The following PSRC1 variants were observed in gnomAD, a reference collection of about 807,000 sequenced individuals.
The protein encoded by PSRC1 is proline and serine rich coiled-coil 1, also known as proline/serine-rich coiled-coil protein 1.
PSRC1 carries 30 observed loss-of-function variants against 31.9 expected under a neutral mutation model. The observed-to-expected ratio is 0.94, with a 90% CI of 0.70 to 1.28. The LOEUF is 1.28. Among genes scored for constraint, PSRC1 ranks in the 50% most tolerant of loss-of-function variants. The probability of loss-of-function intolerance (pLI) is 0.00; values close to 1 mark genes in which losing one functional copy is unlikely to be tolerated. For missense variants in PSRC1, 481 were observed against 472.8 expected (o/e 1.02, Z -0.16); for synonymous variants, 191 against 192.1 (o/e 0.99, Z 0.05).
exon 7 of PSRC1, chr1:109,279,887 T>C (rs14000): frequency 0.1 from 54,071 of 541,084 alleles, 3,294 homozygotes; most frequent in African/African-American, 0.17. Context: ...GTACTTCTCA[T>C]CTTCTATTTG....
rs1200206192 is a variant in PSRC1, at chr1:109,281,387, C to A, written c.520-136G>T. The A allele has an allele frequency of 7.6e-6, 6 of 789,710 alleles. No individual in the cohort carries two copies. The East Asian group carries it at 1.6e-4, about 21-fold the overall frequency. The allele number at this position is 789,710 out of a possible 1,614,324, so 48.9% of individuals were successfully genotyped here. ...GGGTAGAAGTTAGCTGCTAACATCA[C>A]CACATCACCATCACCATCACTATTG... On this transcript the variant is annotated intron_variant, in intron 4 of 6. Coordinates refer to ENST00000409138, the Ensembl canonical transcript of PSRC1.
At chr1:109,281,036 G>A in exon 5 of PSRC1, 1 of 1,613,386 alleles carries the variant, frequency 6.2e-7, no homozygotes, top group Non-Finnish European at 8.5e-7. Context: ...ATCTGATGGG[G>A]GTGGGTGGGC....
At position 109,281,712 on chromosome 1, in the gene PSRC1, G is replaced by T. The variant is rs35138999; in HGVS notation, c.426C>A (p.Ser142Arg). Residue 142 changes from serine to arginine, a missense_variant, in exon 4 of 7, where the codon AGC becomes AGA. Transcript: ENST00000409138. ...TACTCCGGAGTCGAGGCGTCAGGCT[G>T]CTTGGGGAGGGGGTGCTCCGCGTCA... is the stretch of plus-strand genomic sequence containing the variant. 1.3e-4 allele frequency: 206 copies of T among 1,614,040 alleles called. No homozygotes were observed. The African/African-American group carries it at 2.4e-3, about 18-fold the overall frequency.
At chr1:109,281,765 G>C (rs773919831) in exon 4 of PSRC1, 1 of 1,613,956 alleles carries the variant, frequency 6.2e-7, no homozygotes, top group Non-Finnish European at 8.5e-7. Flanking sequence ...AGCAGGTCTC[G>C]GACAGGACTA....
At chr1:109,281,018 C>G in exon 5 of PSRC1, 4 of 1,609,960 alleles carry the variant, frequency 2.5e-6, no homozygotes, top group Non-Finnish European at 3.4e-6. Flanking sequence ...GCTGTGGGGC[C>G]AGGACGGATC....
rs773604417 is a variant in PSRC1, at chr1:109,281,962, G to A, written c.176C>T (p.Pro59Leu). ...GCCTAGGCTGAGCCTCACACCCTGG[G>A]GGGCAGGTGCCACTGCATTTGGGTC... Residue 59 changes from proline to leucine, a missense_variant, in exon 4 of 7, where the codon CCC becomes CTC. Physicochemically the swap from Pro to Leu is moderately conservative, Grantham distance 98. Transcript: ENST00000409138. The A allele has an allele frequency of 2.2e-5, 34 of 1,541,448 alleles. 2 individuals carry two copies. Among genetic ancestry groups the A allele is most frequent in the Middle Eastern group, 3.5e-4 (2 of 5,740 alleles).
chr1:109,280,334 C>T (rs1450806776), intron 6 of PSRC1, 62 bp downstream of exon 7: 2 of 1,484,984 alleles, frequency 1.3e-6, no homozygotes, highest in Admixed American at 1.7e-5. Context: ...TGCATAACAG[C>T]TTGGAATCCC....
intron 3 of PSRC1, 108 bp downstream of exon 3, chr1:109,282,410 G>A: frequency 9.8e-7 from 1 of 1,024,498 alleles, no homozygotes; most frequent in Non-Finnish European, 1.5e-6. Flanking sequence ...AGCCCCAAGT[G>A]CGCCAAACCT....
chr1:109,279,959 A>G, exon 7 of PSRC1: 2 of 697,398 alleles, frequency 2.9e-6, no homozygotes, highest in Non-Finnish European at 5.2e-6. Context: ...CAGAGAGTTT[A>G]AGTCTTCTCC....
exon 7 of PSRC1, chr1:109,279,994 T>C: frequency 1.1e-6 from 1 of 872,830 alleles, no homozygotes; most frequent in Admixed American, 1.9e-5. Flanking sequence ...CCACCCCATT[T>C]CCCATGGTCT....
chr1:109,280,060 ATCTGCTGGAGTCAGGG>A, exon 7 of PSRC1: 1 of 1,556,352 alleles, frequency 6.4e-7, no homozygotes, highest in Non-Finnish European at 8.9e-7. Context: ...CTGGGCCAGA[ATCTGCTGGAGTCAGGG>A]TCTGCTGGGT....
At chr1:109,280,626 C>A in intron 5 of PSRC1, 137 bp from the exon 7 acceptor site, 1 of 955,146 alleles carries the variant, frequency 1.0e-6, no homozygotes. Flanking sequence ...AAGACTCAGA[C>A]TCTGTCCAGC....
chr1:109,281,339 G>T, intron 4 of PSRC1, 88 bp from the exon 5 acceptor site: 1 of 1,182,464 alleles, frequency 8.5e-7, no homozygotes, highest in Non-Finnish European at 1.2e-6. Flanking sequence ...GAGGTGGAGA[G>T]TTGTCTACAT....
At chr1:109,281,985 G>A (rs1396246392) in exon 4 of PSRC1, 4 of 1,521,592 alleles carry the variant, frequency 2.6e-6, no homozygotes. Flanking sequence ...CTGCATTTGG[G>A]TCACTTCGGT....
intron 3 of PSRC1, 183 bp downstream of exon 3, chr1:109,282,335 A>G: frequency 1.6e-6 from 1 of 628,642 alleles, no homozygotes. Flanking sequence ...ATCTAACTCC[A>G]GCTTCTCCCT....
At chr1:109,282,409 T>G (rs964197953) in intron 3 of PSRC1, 109 bp downstream of exon 3, 2 of 1,007,254 alleles carry the variant, frequency 2.0e-6, no homozygotes, top group Non-Finnish European at 3.0e-6. Flanking sequence ...CAGCCCCAAG[T>G]GCGCCAAACC....
chr1:109,283,109 G>C lies in PSRC1; in HGVS notation c.-69C>G, dbSNP rs751965005. ...CTTCCCGCGCCGCCTTATCTTCCAC[G>C]CAACAGGCTTTCTCCCGCAACCTAG... On this transcript the variant is annotated 5_prime_UTR_variant, in exon 1 of 7. Transcript: ENST00000409138. 1.5e-5 allele frequency: 4 copies of C among 259,032 alleles called. No individual in the cohort carries two copies. The South Asian group carries it at 2.5e-4, about 16-fold the overall frequency. 16.0% of individuals were successfully genotyped at this position (259,032 alleles called of 1,614,324 possible).
chr1:109,280,353 G>C, intron 6 of PSRC1, 43 bp downstream of exon 7: 1 of 1,520,298 alleles, frequency 6.6e-7, no homozygotes, highest in Non-Finnish European at 9.1e-7. Context: ...CCAGATGATG[G>C]CGGGGTAGGG....
chr1:109,280,860 A>G (rs1656953257), exon 5 of PSRC1: 1 of 1,613,556 alleles, frequency 6.2e-7, no homozygotes, highest in Non-Finnish European at 8.5e-7. Context: ...ATCCGGAGGT[A>G]GGGCACCTCT....
Sources: gnomAD v4.1 joint callset for allele counts on GRCh38, gnomAD v4.1.1 for gene constraint, MANE v1.5 for transcripts, NCBI Gene and HGNC (gene_info 2026-07-23, HGNC 2026-07-21) for gene names.